SLC8A1: variants seen among roughly 807,000 people sequenced by gnomAD.
SLC8A1 encodes sodium/calcium exchanger 1.
In SLC8A1, 18 loss-of-function variants were observed where a neutral mutation model predicts 68.3. The ratio of observed to expected loss-of-function variants is 0.26; its 90% CI spans 0.18 to 0.39. The LOEUF (loss-of-function observed/expected upper bound fraction) is 0.39, where lower values mean the gene tolerates loss of function less well. Among genes scored for constraint, SLC8A1 ranks in the 10% least tolerant of loss-of-function variants. SLC8A1 has a pLI of 1.00. For synonymous variants in SLC8A1, 475 were observed against 415.5 expected (o/e 1.14, Z -1.74); for missense variants, 985 against 1,156.7 (o/e 0.85, Z 2.15).
chr2:40,483,280 T>A (rs34272753), intron 1 of SLC8A1, among the ~76,000 whole-genome samples: 5,563 of 150,302 alleles, frequency 0.037, 291 homozygotes, highest in East Asian at 0.27. Flanking sequence ...TGTTAAAAAA[T>A]ATATATATAT....
chr2:40,231,797 A>G (rs142680048), intron 2 of SLC8A1, among the ~76,000 whole-genome samples: 70 of 152,002 alleles, frequency 4.6e-4, no homozygotes, highest in Non-Finnish European at 6.9e-4. Context: ...CTTTACCATC[A>G]CCTATATAAG....
intron 2 of SLC8A1, among the ~76,000 whole-genome samples, chr2:40,417,119 C>G (rs1694109309): frequency 6.6e-6 from 1 of 152,066 alleles, no homozygotes; most frequent in African/African-American, 2.4e-5. Flanking sequence ...ATCTCTCAGT[C>G]TTGTGATTGT....
chr2:40,217,417 T>G (rs149627147), intron 2 of SLC8A1, among the ~76,000 whole-genome samples: 2 of 152,306 alleles, frequency 1.3e-5, no homozygotes, highest in East Asian at 1.9e-4. Context: ...TGAAGTCAGG[T>G]GCATGTTATT....
At chr2:40,107,874 T>C (rs533211151) in exon 8 of SLC8A1, 2 of 152,330 alleles carry the variant, frequency 1.3e-5, no homozygotes, top group African/African-American at 2.4e-5. Context: ...ACTATCATTA[T>C]AAATATTTTT....
intron 1 of SLC8A1, among the ~76,000 whole-genome samples, chr2:40,501,320 A>G (rs1706047737): frequency 6.6e-6 from 1 of 152,078 alleles, no homozygotes; most frequent in Admixed American, 6.6e-5. Flanking sequence ...AACTTCATTA[A>G]GTTGTATTTA....
intron 2 of SLC8A1, among the ~76,000 whole-genome samples, chr2:40,351,281 A>T (rs1343092004): frequency 6.6e-6 from 1 of 152,138 alleles, no homozygotes; most frequent in East Asian, 1.9e-4. Context: ...ACAGATTTGA[A>T]ACATGCCATG....
At chr2:40,358,118 G>A (rs1673340451) in intron 2 of SLC8A1, among the ~76,000 whole-genome samples, 1 of 150,856 alleles carries the variant, frequency 6.6e-6, no homozygotes, top group South Asian at 2.1e-4. Context: ...GTTATGAATG[G>A]GAAACTGAAG....
At chr2:40,332,633 T>A (rs570769163) in intron 2 of SLC8A1, among the ~76,000 whole-genome samples, 1 of 152,302 alleles carries the variant, frequency 6.6e-6, no homozygotes, top group South Asian at 2.1e-4. Flanking sequence ...AGAAAATAAA[T>A]GACAGGGTTG....
At chr2:40,235,398 T>C (rs906931695) in intron 2 of SLC8A1, among the ~76,000 whole-genome samples, 1 of 151,882 alleles carries the variant, frequency 6.6e-6, no homozygotes, top group Non-Finnish European at 1.5e-5. Context: ...GAGGTGTTTG[T>C]AGTATTCTCT....
At chr2:40,368,671 G>A (rs1413901323) in intron 2 of SLC8A1, among the ~76,000 whole-genome samples, 2 of 151,980 alleles carry the variant, frequency 1.3e-5, no homozygotes, top group African/African-American at 4.8e-5. Context: ...GGGGTTTGTT[G>A]TACAGATTAT....
intron 2 of SLC8A1, among the ~76,000 whole-genome samples, chr2:40,423,594 G>A (rs546186740): frequency 1.3e-5 from 2 of 152,106 alleles, no homozygotes; most frequent in East Asian, 1.9e-4. Flanking sequence ...ACACTTCAAT[G>A]TGGCTGAACT....
intron 2 of SLC8A1, among the ~76,000 whole-genome samples, chr2:40,274,016 C>T (rs1363217916): frequency 6.6e-6 from 1 of 151,710 alleles, no homozygotes; most frequent in Non-Finnish European, 1.5e-5. Flanking sequence ...CTCTCCACAG[C>T]CCCAGCTGCA....
chr2:40,262,557 G>A (rs941215281), intron 2 of SLC8A1, among the ~76,000 whole-genome samples: 3 of 152,158 alleles, frequency 2.0e-5, no homozygotes, highest in African/African-American at 7.2e-5. Flanking sequence ...AAACCATCTT[G>A]AAGCCATGAT....
exon 8 of SLC8A1, chr2:40,104,622 TC>T (rs2034086667): frequency 6.6e-6 from 1 of 152,224 alleles, no homozygotes; most frequent in South Asian, 2.1e-4. Context: ...AGTGGACTCT[TC>T]CTGACTAAAT....
At chr2:40,333,442 AAAAAAAAAAAAGAAAAG>A (rs1403603701) in intron 2 of SLC8A1, among the ~76,000 whole-genome samples, 2 of 151,010 alleles carry the variant, frequency 1.3e-5, no homozygotes, top group Admixed American at 6.6e-5. Context: ...CGTCTCAAAA[AAAAAAAAAAAAGAAAAG>A]AAAAAAAAAA....
chr2:40,338,025 C>G (rs1382701365), intron 2 of SLC8A1, among the ~76,000 whole-genome samples: 2 of 152,062 alleles, frequency 1.3e-5, no homozygotes, highest in Non-Finnish European at 2.9e-5. Context: ...AAGGCAGCAT[C>G]TGAACTTAGG....
intron 2 of SLC8A1, among the ~76,000 whole-genome samples, chr2:40,318,220 G>A (rs892787859): frequency 5.3e-5 from 8 of 151,946 alleles, no homozygotes; most frequent in African/African-American, 1.2e-4. Flanking sequence ...TCTGGTGTGC[G>A]TCAGAATTTC....
At chr2:40,184,308 G>A (rs1487395019) in intron 2 of SLC8A1, among the ~76,000 whole-genome samples, 2 of 152,154 alleles carry the variant, frequency 1.3e-5, no homozygotes, top group African/African-American at 4.8e-5. Flanking sequence ...ATATAGAATT[G>A]TGAGACAGTA....
At chr2:40,139,142 A>G (rs989246217) in intron 7 of SLC8A1, among the ~76,000 whole-genome samples, 2 of 152,036 alleles carry the variant, frequency 1.3e-5, no homozygotes, top group African/African-American at 2.4e-5. Context: ...CATCAAACCA[A>G]TCTGGTCTCT....
Sources: allele counts gnomAD v4.1 joint callset (sites outside exome capture counted in the v4.1 genomes callset), GRCh38; gene constraint gnomAD v4.1.1; transcripts MANE v1.5; gene names NCBI Gene and HGNC (gene_info 2026-07-23, HGNC 2026-07-21).